ABLIM1: variants seen among roughly 807,000 people sequenced by gnomAD.
ABLIM1 encodes the protein actin binding LIM protein 1, also known as actin-binding LIM protein 1.
Under a neutral mutation model 107.0 loss-of-function variants are expected in ABLIM1, and 40 were observed. That is an observed-to-expected ratio of 0.37 (90% CI 0.29 to 0.49). The LOEUF (loss-of-function observed/expected upper bound fraction) is 0.49, where lower values mean the gene tolerates loss of function less well. ABLIM1 is among the 20% of genes least tolerant of loss of function. The probability of loss-of-function intolerance (pLI) is 0.97; values close to 1 mark genes in which losing one functional copy is unlikely to be tolerated. For synonymous variants in ABLIM1, 357 were observed against 357.3 expected, an observed-to-expected ratio of 1.00 and a Z score of 0.01; for missense variants, 857 against 1,008.5, an observed-to-expected ratio of 0.85 and a Z score of 2.04.
At chr10:114,726,643 G>A (rs557690055) in intron 1 of ABLIM1, among the ~76,000 whole-genome samples, 24 of 152,238 alleles carry the variant, frequency 1.6e-4, no homozygotes, top group African/African-American at 5.1e-4. Flanking sequence ...TTAGCTGAGC[G>A]TGGTGGCGGG....
At chr10:114,744,595 A>G (rs750849655) in intron 1 of ABLIM1, among the ~76,000 whole-genome samples, 20 of 152,210 alleles carry the variant, frequency 1.3e-4, no homozygotes, top group South Asian at 1.0e-3. Flanking sequence ...GCAGTGAACC[A>G]TGTTCATGCC....
At chr10:114,620,131 T>G (rs989241059) in intron 1 of ABLIM1, among the ~76,000 whole-genome samples, 1 of 152,170 alleles carries the variant, frequency 6.6e-6, no homozygotes, top group Non-Finnish European at 1.5e-5. Flanking sequence ...TTTTCAAACT[T>G]TGGGTCTTGA....
At chr10:114,797,654 T>G in the ABLIM1 span, among the ~76,000 whole-genome samples, 1,045 of 152,302 alleles carry the variant, frequency 6.9e-3, 5 homozygotes, top group African/African-American at 0.024. Context: ...TGAAAAAAAC[T>G]ATGCTATTCA....
In ABLIM1 at chr10:114,435,303, T is replaced by C. The variant is rs1323709631; in HGVS notation, c.*957A>G. 1 of 152,242 alleles carries C rather than the reference T, an allele frequency of 6.6e-6. No individual in the cohort carries two copies. The highest frequency in any genetic ancestry group is 1.9e-4 in the East Asian group (1 of 5,200). The allele number at this position is 152,242 out of a possible 1,614,324, so 9.4% of individuals were successfully genotyped here. A position where few individuals can be genotyped will look rare whatever the true frequency, so the allele number is the denominator to read the frequency against. ...AGGATGCCAGAGAGACAGCAGAGGA[T>C]AACGACTGGAAGAACTAGAGTCAGT... On this transcript the variant is annotated 3_prime_UTR_variant, in exon 23 of 23. Coordinates refer to ENST00000533213, the MANE Select transcript of ABLIM1 (RefSeq NM_002313.7).
intron 6 of ABLIM1, among the ~76,000 whole-genome samples, chr10:114,523,557 A>C (rs1262277736): frequency 6.6e-6 from 1 of 151,162 alleles, no homozygotes; most frequent in Non-Finnish European, 1.5e-5. Flanking sequence ...GTTTATAATA[A>C]GAGCAGAAAT....
At chr10:114,594,892 A>G (rs2075267302) in intron 2 of ABLIM1, 1 of 152,264 alleles carries the variant, frequency 6.6e-6, no homozygotes. Flanking sequence ...AACAAAACAG[A>G]CAAAAATCTC....
At chr10:114,745,851 T>A (rs1332383340) in intron 1 of ABLIM1, among the ~76,000 whole-genome samples, 1 of 152,052 alleles carries the variant, frequency 6.6e-6, no homozygotes, top group Non-Finnish European at 1.5e-5. Flanking sequence ...AAAAAAAAAA[T>A]TCCTAAGCAC....
chr10:114,729,068 AG>A (rs145048391), intron 1 of ABLIM1, among the ~76,000 whole-genome samples: 1,527 of 152,242 alleles, frequency 0.01, 36 homozygotes, highest in African/African-American at 0.034. Context: ...GCCAAGTTAC[AG>A]GCCTGTGCTA....
At chr10:114,743,473 G>C (rs2082325619) in intron 1 of ABLIM1, among the ~76,000 whole-genome samples, 1 of 152,138 alleles carries the variant, frequency 6.6e-6, no homozygotes, top group African/African-American at 2.4e-5. Flanking sequence ...AACCATCTTG[G>C]ATCTTTCTGT....
chr10:114,711,875 C>A (rs2081555844), intron 1 of ABLIM1, among the ~76,000 whole-genome samples: 1 of 152,114 alleles, frequency 6.6e-6, no homozygotes, highest in Admixed American at 6.5e-5. Context: ...CTAAGTGCCC[C>A]CCGCACCAAC....
chr10:114,545,946 A>C lies in ABLIM1; in HGVS notation c.801-848T>G, dbSNP rs540430849. 4.5e-4 allele frequency among the ~76,000 whole-genome samples: 68 copies of C among 149,510 alleles called. 1 individual carries two copies. The East Asian group carries it at 0.012, about 26-fold the overall frequency. ...ACCCCATCTCAAAAAAAAAAAACAAAAAAAAAAAACAAGAACACTGAGCCC... is the reference window on the plus strand; with the variant it reads ...ACCCCATCTCAAAAAAAAAAAACAACAAAAAAAAACAAGAACACTGAGCCC... On this transcript the variant is annotated intron_variant, in intron 5 of 22. Coordinates refer to ENST00000533213, the MANE Select transcript of ABLIM1 (RefSeq NM_002313.7).
At chr10:114,510,509 T>C (rs1035264867) in intron 6 of ABLIM1, among the ~76,000 whole-genome samples, 1 of 152,074 alleles carries the variant, frequency 6.6e-6, no homozygotes, top group Non-Finnish European at 1.5e-5. Flanking sequence ...GTCTCATTCA[T>C]TTTTTGTATT....
intron 6 of ABLIM1, among the ~76,000 whole-genome samples, chr10:114,501,194 A>G (rs1354627201): frequency 6.6e-6 from 1 of 152,236 alleles, no homozygotes; most frequent in Non-Finnish European, 1.5e-5. Flanking sequence ...AATGTGAGGT[A>G]GGTAATATGC....
At chr10:114,790,534 A>G in the ABLIM1 span, among the ~76,000 whole-genome samples, 7 of 152,374 alleles carry the variant, frequency 4.6e-5, no homozygotes, top group East Asian at 1.3e-3. Context: ...AAAAATAAGA[A>G]GCGTCTTGCT....
At chr10:114,538,004 G>C (rs575082795) in intron 6 of ABLIM1, among the ~76,000 whole-genome samples, 155 of 152,310 alleles carry the variant, frequency 1.0e-3, no homozygotes, top group Middle Eastern at 3.4e-3. Flanking sequence ...AGCATCCTAG[G>C]ATAACCTATG....
chr10:114,527,827 G>GCT (rs2065006622), intron 6 of ABLIM1, among the ~76,000 whole-genome samples: 2 of 139,920 alleles, frequency 1.4e-5, no homozygotes, highest in African/African-American at 5.5e-5. Flanking sequence ...ACCATGCCTG[G>GCT]CTAATTTTTA....
At chr10:114,553,533 G>C (rs1170781504) in intron 4 of ABLIM1, among the ~76,000 whole-genome samples, 1 of 152,206 alleles carries the variant, frequency 6.6e-6, no homozygotes, top group Non-Finnish European at 1.5e-5. Flanking sequence ...TTGGAAAACA[G>C]AGAGCTGAGA....
intron 1 of ABLIM1, among the ~76,000 whole-genome samples, chr10:114,627,435 CT>C (rs1307438312): frequency 2.6e-5 from 4 of 152,086 alleles, no homozygotes; most frequent in African/African-American, 9.7e-5. Context: ...AGCTTATTTA[CT>C]TCCTCGACAG....
rs61749296 is a variant in ABLIM1, at chr10:114,547,673, G to A, written c.777C>T (p.Val259=). 1.2e-5 allele frequency: 20 copies of A among 1,613,678 alleles called. No homozygotes were observed. The African/African-American group carries it at 1.9e-4, about 15-fold the overall frequency. The change falls in exon 5 of 23, where the codon GTC becomes GTT. Residue 259 remains valine, a synonymous_variant. Transcript: ENST00000533213. ...GCFKCKSCGK[V]LTGEYISKDG... is the part of the protein sequence containing the mutation. ...ACTTGCTGATGTACTCCCCGGTGAGGACCTTCCCGCAGGACTTGCATTTAA... is the reference window on the plus strand; with the variant it reads ...ACTTGCTGATGTACTCCCCGGTGAGAACCTTCCCGCAGGACTTGCATTTAA...
Sources: gnomAD v4.1 joint callset for allele counts (sites outside exome capture counted in the v4.1 genomes callset) on GRCh38, gnomAD v4.1.1 for gene constraint, MANE v1.5 for transcripts, NCBI Gene and HGNC (gene_info 2026-07-23, HGNC 2026-07-21) for gene names.